CDKAL1: variants seen among roughly 807,000 people sequenced by gnomAD.
CDKAL1 encodes the protein CDKAL1 threonylcarbamoyladenosine tRNA methylthiotransferase.
Under a neutral mutation model 68.2 loss-of-function variants are expected in CDKAL1, and 32 were observed. The observed-to-expected ratio is 0.47, with a 90% CI of 0.35 to 0.63. The LOEUF (loss-of-function observed/expected upper bound fraction) is 0.63. CDKAL1 is among the 30% of genes least tolerant of loss of function. The probability of loss-of-function intolerance (pLI) is 0.00; values close to 1 mark genes in which losing one functional copy is unlikely to be tolerated. For missense variants in CDKAL1, 606 were observed against 696.7 expected (o/e 0.87, Z 1.47); for synonymous variants, 234 against 244.3 (o/e 0.96, Z 0.39).
intron 5 of CDKAL1, among the ~76,000 whole-genome samples, chr6:20,673,809 T>TG (rs1769963117): frequency 6.6e-6 from 1 of 152,244 alleles, no homozygotes; most frequent in Non-Finnish European, 1.5e-5. Context: ...CCGCCATGAC[T>TG]GTGAGGTCTC....
At chr6:20,657,658 A>T (rs1769088301) in intron 5 of CDKAL1, among the ~76,000 whole-genome samples, 1 of 152,154 alleles carries the variant, frequency 6.6e-6, no homozygotes, top group Non-Finnish European at 1.5e-5. Context: ...GAAATTGTGC[A>T]TTTGTGACAT....
intron 12 of CDKAL1, among the ~76,000 whole-genome samples, chr6:21,102,919 C>T (rs907987369): frequency 6.6e-6 from 1 of 152,192 alleles, no homozygotes; most frequent in Non-Finnish European, 1.5e-5. Context: ...AGAAAGGGAG[C>T]AGGAAAAATG....
chr6:21,088,470 T>C (rs929815831), intron 12 of CDKAL1, among the ~76,000 whole-genome samples: 1 of 152,230 alleles, frequency 6.6e-6, no homozygotes, highest in Non-Finnish European at 1.5e-5. Flanking sequence ...TTATTTATAA[T>C]GGGAAAAGAT....
rs890758671 is a variant in CDKAL1 at position 21,135,806 on chromosome 6, T to C, written c.1299+27343T>C. 37 of 516,492 alleles carry C rather than the reference T, an allele frequency of 7.2e-5. 1 individual carries two copies. In the South Asian group the frequency reaches 1.1e-3, roughly 15 times the overall value. 32.0% of individuals were successfully genotyped at this position (516,492 alleles called of 1,614,324 possible). On this transcript the variant is annotated intron_variant, in intron 13 of 15. Transcript: ENST00000274695. ...AAGAGGCCAGTGCTCCGCTTCTCCA[T>C]TGGAGAACGGGTGCCATCCAGGGGG...
intron 7 of CDKAL1, among the ~76,000 whole-genome samples, chr6:20,766,717 T>A (rs1418070127): frequency 6.6e-6 from 1 of 152,226 alleles, no homozygotes; most frequent in Non-Finnish European, 1.5e-5. Flanking sequence ...TGCTTTTACA[T>A]GTGTATTTTA....
chr6:20,874,030 C>T (rs1156854589), intron 9 of CDKAL1, among the ~76,000 whole-genome samples: 1 of 152,068 alleles, frequency 6.6e-6, no homozygotes, highest in African/African-American at 2.4e-5. Flanking sequence ...AACAAGCAGC[C>T]TGATTTTACT....
chr6:20,637,176 A>T (rs1041835667), intron 4 of CDKAL1, among the ~76,000 whole-genome samples: 3 of 152,176 alleles, frequency 2.0e-5, no homozygotes, highest in Non-Finnish European at 2.9e-5. Context: ...CTTCACCAAA[A>T]TGAAGTGGTA....
chr6:20,556,798 G>A (rs1764060464), intron 4 of CDKAL1, among the ~76,000 whole-genome samples: 1 of 152,042 alleles, frequency 6.6e-6, no homozygotes, highest in African/African-American at 2.4e-5. Context: ...AGCACTTTGG[G>A]AGGCTGAGGC....
chr6:21,072,613 C>G (rs1328233626), intron 12 of CDKAL1, among the ~76,000 whole-genome samples: 2 of 128,836 alleles, frequency 1.6e-5, no homozygotes, highest in Non-Finnish European at 3.2e-5. Context: ...ATCTTCTAAA[C>G]GTAGCCTGTT....
intron 9 of CDKAL1, among the ~76,000 whole-genome samples, chr6:20,941,949 G>A (rs747182619): frequency 6.6e-6 from 1 of 152,138 alleles, no homozygotes; most frequent in African/African-American, 2.4e-5. Context: ...TCGGCAAGAG[G>A]ATAACTAACA....
chr6:21,194,264 A>G (rs1290262546), intron 13 of CDKAL1, among the ~76,000 whole-genome samples: 2 of 152,222 alleles, frequency 1.3e-5, no homozygotes, highest in Non-Finnish European at 2.9e-5. Flanking sequence ...TTTTATGAGA[A>G]CCATGGTTTT....
At chr6:21,164,510 A>ACC (rs958322615) in intron 13 of CDKAL1, among the ~76,000 whole-genome samples, 5 of 150,420 alleles carry the variant, frequency 3.3e-5, no homozygotes, top group Non-Finnish European at 7.4e-5. Context: ...CTGGCCCTTT[A>ACC]CCACTATCCA....
At chr6:21,180,037 C>T (rs1777730343) in intron 13 of CDKAL1, among the ~76,000 whole-genome samples, 1 of 152,096 alleles carries the variant, frequency 6.6e-6, no homozygotes, top group African/African-American at 2.4e-5. Context: ...AAAGAAAAAT[C>T]ACCAGCTTCA....
At chr6:20,811,733 T>C (rs942204363) in intron 8 of CDKAL1, among the ~76,000 whole-genome samples, 6 of 151,856 alleles carry the variant, frequency 4.0e-5, no homozygotes, top group Non-Finnish European at 5.9e-5. Context: ...GGGTTATGTG[T>C]TGTTAACTTG....
chr6:20,930,011 ATT>A (rs1398116870), intron 9 of CDKAL1, among the ~76,000 whole-genome samples: 3 of 152,182 alleles, frequency 2.0e-5, no homozygotes, highest in Non-Finnish European at 4.4e-5. Context: ...TTACAAGAAC[ATT>A]TCTTTATCAA....
chr6:20,981,380 T>A (rs569612661), intron 10 of CDKAL1, among the ~76,000 whole-genome samples: 3 of 152,346 alleles, frequency 2.0e-5, no homozygotes, highest in South Asian at 4.1e-4. Flanking sequence ...ACTTGGTATA[T>A]GTTATTTCAT....
At chr6:20,580,461 G>C (rs1765096912) in intron 4 of CDKAL1, among the ~76,000 whole-genome samples, 1 of 152,218 alleles carries the variant, frequency 6.6e-6, no homozygotes, top group African/African-American at 2.4e-5. Context: ...GGATGCATCA[G>C]TGACTGTGCT....
intron 9 of CDKAL1, among the ~76,000 whole-genome samples, chr6:20,892,973 A>C (rs1442993016): frequency 6.6e-6 from 1 of 152,186 alleles, no homozygotes; most frequent in East Asian, 1.9e-4. Context: ...TTACTGATTT[A>C]CCTGAGTTGA....
At chr6:20,887,085 A>G (rs998219398) in intron 9 of CDKAL1, among the ~76,000 whole-genome samples, 8 of 152,242 alleles carry the variant, frequency 5.3e-5, no homozygotes, top group Non-Finnish European at 1.2e-4. Flanking sequence ...GTTCAACAAC[A>G]TGAGTCACAA....
Sources: gnomAD v4.1 joint callset for allele counts (sites outside exome capture counted in the v4.1 genomes callset) on GRCh38, gnomAD v4.1.1 for gene constraint, MANE v1.5 for transcripts, NCBI Gene and HGNC (gene_info 2026-07-23, HGNC 2026-07-21) for gene names.